Variants in ADSS2 observed in about 807,000 individuals in gnomAD.
The protein encoded by ADSS2 is adenylosuccinate synthase 2.
A neutral mutation model predicts 60.0 loss-of-function variants in ADSS2; 30 were observed. The observed-to-expected ratio is 0.50, with a 90% confidence interval of 0.37 to 0.68. The LOEUF is 0.68. ADSS2 is among the 30% of genes least tolerant of loss of function. The pLI is 0.00. For synonymous variants in ADSS2, 187 were observed against 193.1 expected, an observed-to-expected ratio of 0.97 and a Z score of 0.26; for missense variants, 373 against 554.8, an observed-to-expected ratio of 0.67 and a Z score of 3.29.
Position 244,424,397 on chromosome 1 carries a change from A to C in ADSS2, c.407-10T>G. The C allele has an allele frequency of 6.2e-7, 1 of 1,610,522 alleles. No homozygotes were observed. Among genetic ancestry groups the C allele is most frequent in the Non-Finnish European group, 8.5e-7 (1 of 1,177,328 alleles). The stretch of plus-strand genomic sequence containing the variant: ...TGATGAAAATCAAATACTGAGGGGA[A>C]ATAAAACCACAGTTGTTGAAACAAA... On this transcript the variant is annotated splice_polypyrimidine_tract_variant and intron_variant, in intron 4 of 12. Coordinates refer to ENST00000366535, the MANE Select transcript of ADSS2 (RefSeq NM_001126.5).
chr1:244,432,198 T>A (rs1298204633), intron 4 of ADSS2, among the ~76,000 whole-genome samples: 6 of 152,364 alleles, frequency 3.9e-5, no homozygotes, highest in Non-Finnish European at 7.3e-5. Context: ...AGTCACTCTA[T>A]CTGCAAAACG....
chr1:244,439,437 T>C (rs1466360300), intron 1 of ADSS2, among the ~76,000 whole-genome samples: 9 of 152,052 alleles, frequency 5.9e-5, no homozygotes, highest in Non-Finnish European at 1.2e-4. Flanking sequence ...CCAGGGTATG[T>C]CTAGAAATTT....
At position 244,420,231 on chromosome 1, in the gene ADSS2, A is replaced by C. The variant is rs1440458311; in HGVS notation, c.729T>G (p.His243Gln). Residue 243 changes from histidine to glutamine, a missense_variant, in exon 8 of 13, where the codon CAT (histidine) becomes CAG (glutamine). Physicochemically the swap from His to Gln is conservative, Grantham distance 24 (BLOSUM62 0). Coordinates refer to ENST00000366535, the MANE Select transcript of ADSS2 (RefSeq NM_001126.5). ...DGVYFLYEAL[H>Q]GPPKKILVEG... ...CTACCAAGATTTTCTTTGGTGGTCC[A>C]TGTAGGGCCTCATATAGAAAATAAA... 6.2e-7 allele frequency: 1 copy of C among 1,613,640 alleles called. No individual in the cohort carries two copies. Among genetic ancestry groups the C allele is most frequent in the East Asian group, 2.2e-5 (1 of 44,848 alleles).
chr1:244,430,595 G>A (rs1572138840), intron 4 of ADSS2, among the ~76,000 whole-genome samples: 1 of 152,174 alleles, frequency 6.6e-6, no homozygotes, highest in Non-Finnish European at 1.5e-5. Context: ...AAGTTCTGAA[G>A]ATAAGCAGTG....
At chr1:244,422,713 T>C (rs1664704656) in intron 7 of ADSS2, 122 bp downstream of exon 7, 8 of 692,750 alleles carry the variant, frequency 1.2e-5, no homozygotes, top group African/African-American at 9.0e-5. Flanking sequence ...AAACATACCA[T>C]GTCCAAGACA....
chr1:244,436,059 T>C (rs918744919), intron 3 of ADSS2, among the ~76,000 whole-genome samples: 1 of 152,208 alleles, frequency 6.6e-6, no homozygotes, highest in African/African-American at 2.4e-5. Flanking sequence ...GAAGGCCTTT[T>C]TTCCCCTGGA....
In ADSS2 at chr1:244,427,893, T is replaced by C. The variant is rs958766304; in HGVS notation, c.407-3506A>G. 2.6e-5 allele frequency among the ~76,000 whole-genome samples: 4 copies of C among 152,284 alleles called. No individual in the cohort carries two copies. In the South Asian group the frequency reaches 6.2e-4, roughly 24 times the overall value. ...CTATGGTTGTTAATACCAAAGAGGATATTTCATAATGAGGAAAGGTTCAAT... is the reference window on the plus strand; with the variant it reads ...CTATGGTTGTTAATACCAAAGAGGACATTTCATAATGAGGAAAGGTTCAAT... On this transcript the variant is annotated intron_variant, in intron 4 of 12. Transcript: ENST00000366535.
intron 3 of ADSS2, among the ~76,000 whole-genome samples, chr1:244,435,890 G>A (rs1339630384): frequency 1.3e-5 from 2 of 152,306 alleles, no homozygotes; most frequent in South Asian, 2.1e-4. Context: ...CAGCAACAAC[G>A]AAGCAGGCTT....
At chr1:244,444,457 G>A (rs1281957525) in intron 1 of ADSS2, among the ~76,000 whole-genome samples, 1 of 129,926 alleles carries the variant, frequency 7.7e-6, no homozygotes, top group East Asian at 2.1e-4. Context: ...GGAGCTTGCA[G>A]TGAGCCGAGA....
intron 11 of ADSS2, among the ~76,000 whole-genome samples, chr1:244,411,892 C>T (rs1277636915): frequency 1.3e-5 from 2 of 152,156 alleles, no homozygotes; most frequent in South Asian, 2.1e-4. Context: ...CATTATTCTA[C>T]GTATTTTCTC....
At chr1:244,410,127 T>A (rs1558266841) in intron 12 of ADSS2, among the ~76,000 whole-genome samples, 2 of 152,218 alleles carry the variant, frequency 1.3e-5, no homozygotes, top group Non-Finnish European at 2.9e-5. Context: ...AGGATCAACC[T>A]TCGTGGTATT....
chr1:244,428,858 G>A (rs180750151), intron 4 of ADSS2, among the ~76,000 whole-genome samples: 4 of 152,002 alleles, frequency 2.6e-5, no homozygotes, highest in East Asian at 1.9e-4. Context: ...TGAATATCCC[G>A]ATATCTATTA....
At chr1:244,421,889 C>T (rs750662494) in intron 7 of ADSS2, among the ~76,000 whole-genome samples, 69 of 152,032 alleles carry the variant, frequency 4.5e-4, no homozygotes, top group Non-Finnish European at 9.1e-4. Context: ...AGGGAGGATC[C>T]CTTGAGCCTA....
intron 11 of ADSS2, 85 bp downstream of exon 11, chr1:244,415,896 C>A: frequency 2.0e-6 from 2 of 1,017,602 alleles, no homozygotes; most frequent in Non-Finnish European, 2.9e-6. Context: ...CGCTATCTAT[C>A]ACAAATTATA....
chr1:244,414,041 G>T (rs1011038649), intron 11 of ADSS2, among the ~76,000 whole-genome samples: 1 of 152,022 alleles, frequency 6.6e-6, no homozygotes, highest in African/African-American at 2.4e-5. Flanking sequence ...GGTTTTCCAC[G>T]TAACTACACA....
intron 2 of ADSS2, 63 bp downstream of exon 2, chr1:244,437,603 A>T (rs534244268): frequency 4.2e-6 from 5 of 1,195,928 alleles, no homozygotes; most frequent in Non-Finnish European, 6.2e-6. Context: ...TTGACAATAA[A>T]AAATAAACGC....
At chr1:244,446,807 A>C (rs781102277) in intron 1 of ADSS2, among the ~76,000 whole-genome samples, 29 of 152,232 alleles carry the variant, frequency 1.9e-4, no homozygotes, top group Non-Finnish European at 3.7e-4. Flanking sequence ...TAAATGTTTG[A>C]TAAAAATTCA....
intron 3 of ADSS2, 146 bp downstream of exon 3, chr1:244,436,679 T>TA: frequency 1.7e-6 from 1 of 595,014 alleles, no homozygotes; most frequent in Non-Finnish European, 2.9e-6. Flanking sequence ...TTATAATGAA[T>TA]AAAACTTAAT....
chr1:244,443,187 G>A (rs1038541156), intron 1 of ADSS2, among the ~76,000 whole-genome samples: 3 of 152,062 alleles, frequency 2.0e-5, no homozygotes, highest in Non-Finnish European at 4.4e-5. Context: ...TACTTCTAAC[G>A]GAAACATACA....
Sources: gnomAD v4.1 joint callset for allele counts (sites outside exome capture counted in the v4.1 genomes callset) on GRCh38, gnomAD v4.1.1 for gene constraint, MANE v1.5 for transcripts, NCBI Gene and HGNC (gene_info 2026-07-23, HGNC 2026-07-21) for gene names.